MMRN1: variants seen among roughly 807,000 people sequenced by gnomAD.
The protein encoded by MMRN1 is multimerin-1.
In MMRN1, 94 loss-of-function variants were observed where a neutral mutation model predicts 100.7. That is an observed-to-expected ratio of 0.93 (90% CI 0.79 to 1.11). The LOEUF (loss-of-function observed/expected upper bound fraction) is 1.11. Among genes scored for constraint, MMRN1 ranks in the 50% least tolerant of loss-of-function variants. The probability of loss-of-function intolerance (pLI) is 0.00; values close to 1 mark genes in which losing one functional copy is unlikely to be tolerated. For missense variants in MMRN1, 1,606 were observed against 1,439.1 expected (o/e 1.12, Z -1.88); for synonymous variants, 575 against 505.0 (o/e 1.14, Z -1.86).
In MMRN1 at chr4:89,928,381, A is replaced by G. The variant is rs115339897; in HGVS notation, c.1129+413A>G. Among the ~76,000 whole-genome samples the G allele has an allele frequency of 9.6e-3, 1,467 of 152,252 alleles. 26 individuals are homozygous for G. Among genetic ancestry groups the G allele is most frequent in the African/African-American group, 0.033 (1,352 of 41,556 alleles). On this transcript the variant is annotated intron_variant, in intron 5 of 7. Transcript: ENST00000264790. ...ATTGAGGATAAATCTGAAGTGCATT[A>G]TTATCCCCCAAATTTTCTAGGTTAT...
intron 1 of MMRN1, among the ~76,000 whole-genome samples, chr4:89,881,011 G>C (rs953977734): frequency 5.3e-5 from 8 of 152,138 alleles, no homozygotes; most frequent in African/African-American, 7.2e-5. Context: ...TAACTATTGG[G>C]ATTTAGTAGC....
rs996699289 is a variant in MMRN1 at position 89,945,953 on chromosome 4, A to G, written c.3119-5652A>G. ...TTTGAAACAGTATTTCCATCCATCT[A>G]TACACCAAAGAACACAATGTTAGTA... On this transcript the variant is annotated intron_variant, in intron 6 of 7. Coordinates refer to ENST00000264790, the MANE Select transcript of MMRN1 (RefSeq NM_007351.3). Among the ~76,000 whole-genome samples the G allele has an allele frequency of 1.6e-4, 25 of 152,232 alleles. 1 individual carries two copies. The highest frequency in any genetic ancestry group is 1.4e-3 in the Admixed American group (21 of 15,278).
chr4:89,934,310 G>A (rs1373548893), intron 5 of MMRN1, among the ~76,000 whole-genome samples: 3 of 151,910 alleles, frequency 2.0e-5, no homozygotes, highest in African/African-American at 4.8e-5. Context: ...TTCCTCATTT[G>A]AGAATATCAT....
intron 6 of MMRN1, among the ~76,000 whole-genome samples, chr4:89,948,156 G>A (rs1316749537): frequency 6.6e-6 from 1 of 152,032 alleles, no homozygotes; most frequent in East Asian, 1.9e-4. Context: ...CCAGCCAAAA[G>A]TTGATTTCTA....
At position 89,894,950 on chromosome 4, in the gene MMRN1, T is replaced by C; in HGVS notation, c.-22T>C. The C allele has an allele frequency of 6.3e-7, 1 of 1,584,062 alleles. No individual in the cohort carries two copies. Among genetic ancestry groups the C allele is most frequent in the East Asian group, 2.2e-5 (1 of 44,472 alleles). On this transcript the variant is annotated 5_prime_UTR_variant, in exon 1 of 8. Coordinates refer to ENST00000264790, the MANE Select transcript of MMRN1 (RefSeq NM_007351.3). Reference sequence around the variant, plus strand: ...TTTTGTCCCCAAATTTCACATGAGCTACCTTGCTTCAAACTACTGAGATGA... The same window carrying C: ...TTTTGTCCCCAAATTTCACATGAGCCACCTTGCTTCAAACTACTGAGATGA...
At chr4:89,922,771 G>T (rs894739368) in intron 3 of MMRN1, among the ~76,000 whole-genome samples, 2 of 152,042 alleles carry the variant, frequency 1.3e-5, no homozygotes, top group Admixed American at 1.3e-4. Flanking sequence ...CACCAGTTGG[G>T]AATTGCCTTG....
In MMRN1 at chr4:89,935,937, A is replaced by T. The variant is rs757776523; in HGVS notation, c.2257A>T (p.Ser753Cys). ...QDNYALKETLSTIKDNSEIHH... is the reference protein window; with the variant it reads ...QDNYALKETLCTIKDNSEIHH... ...TAACTATGCCCTAAAAGAGACTTTA[A>T]GTACTATTAAGGATAATAGTGAGAT... The change falls in exon 6 of 8, where the codon AGT becomes TGT. Residue 753 changes from serine to cysteine, a missense_variant. Physicochemically the swap from Ser to Cys is moderately radical, Grantham distance 112. Coordinates refer to ENST00000264790, the MANE Select transcript of MMRN1 (RefSeq NM_007351.3). 1.4e-5 allele frequency: 23 copies of T among 1,609,198 alleles called. No individual in the cohort carries two copies. The highest frequency in any genetic ancestry group is 3.4e-6 in the Non-Finnish European group (4 of 1,177,250).
intron 1 of MMRN1, among the ~76,000 whole-genome samples, chr4:89,904,199 A>G (rs1721484323): frequency 6.6e-6 from 1 of 151,664 alleles, no homozygotes; most frequent in Admixed American, 6.6e-5. Context: ...GATTTTGACA[A>G]GAGATATGCA....
At chr4:89,920,305 G>C (rs988679835) in intron 3 of MMRN1, among the ~76,000 whole-genome samples, 1 of 152,122 alleles carries the variant, frequency 6.6e-6, no homozygotes, top group Non-Finnish European at 1.5e-5. Context: ...TGGGAGTAAG[G>C]AGCAACAGTC....
chr4:89,924,663 T>C (rs2110616829), intron 4 of MMRN1, among the ~76,000 whole-genome samples: 1 of 151,724 alleles, frequency 6.6e-6, no homozygotes, highest in East Asian at 1.9e-4. Flanking sequence ...GCCTATATGG[T>C]GAAACCCCGT....
chr4:89,936,673 T>C lies in MMRN1; in HGVS notation c.2993T>C (p.Val998Ala), dbSNP rs1210943219. 2 of 1,613,590 alleles carry C rather than the reference T, an allele frequency of 1.2e-6. No homozygotes were observed. The highest frequency in any genetic ancestry group is 1.7e-5 in the Admixed American group (1 of 59,956). ...TTGCCTGGTAGTCTGGCAAATGTTG[T>C]CAAGTCTCAGAAGCAAGTAAAATCA... Reference protein sequence around the residue: ...RSLPGSLANVVKSQKQVKSLP... With the variant: ...RSLPGSLANVAKSQKQVKSLP... Residue 998 changes from valine (V) to alanine (A), a missense_variant, in exon 6 of 8, where the codon GTC (valine) becomes GCC (alanine). Val to Ala is a moderately conservative substitution (Grantham distance 64, BLOSUM62 0). Transcript: ENST00000264790.
intron 2 of MMRN1, among the ~76,000 whole-genome samples, chr4:89,910,306 A>C (rs993085226): frequency 4.6e-5 from 7 of 151,454 alleles, no homozygotes; most frequent in Non-Finnish European, 8.9e-5. Flanking sequence ...GACACAAAGA[A>C]TGCATTGCTA....
At chr4:89,899,464 G>A (rs1721313272) in intron 1 of MMRN1, among the ~76,000 whole-genome samples, 1 of 152,136 alleles carries the variant, frequency 6.6e-6, no homozygotes, top group East Asian at 1.9e-4. Context: ...CAACAGCCCA[G>A]TGGCAGAGGT....
chr4:89,930,461 G>GT (rs970235439), intron 5 of MMRN1, among the ~76,000 whole-genome samples: 2 of 151,912 alleles, frequency 1.3e-5, no homozygotes, highest in African/African-American at 4.8e-5. Context: ...TAGGCATGTA[G>GT]TTTTTTGTTT....
At chr4:89,907,280 C>G (rs1721597386) in intron 1 of MMRN1, among the ~76,000 whole-genome samples, 1 of 151,466 alleles carries the variant, frequency 6.6e-6, no homozygotes, top group Non-Finnish European at 1.5e-5. Context: ...TGTCTTCTTA[C>G]TTCTTTAAGG....
chr4:89,939,008 T>G (rs937909253), intron 6 of MMRN1, among the ~76,000 whole-genome samples: 1 of 152,078 alleles, frequency 6.6e-6, no homozygotes, highest in Non-Finnish European at 1.5e-5. Flanking sequence ...CCAGCCATAC[T>G]TCCATGGGCC....
intron 3 of MMRN1, among the ~76,000 whole-genome samples, chr4:89,915,499 C>T (rs1289565657): frequency 6.6e-6 from 1 of 151,456 alleles, no homozygotes; most frequent in South Asian, 2.1e-4. Context: ...TGAGAGAGAG[C>T]AAACATCCTC....
rs1248833490 is a variant in MMRN1 at position 89,919,049 on chromosome 4, T to C, written c.851-4119T>C. Among the ~76,000 whole-genome samples, 9 of 151,840 alleles carry C rather than the reference T, an allele frequency of 5.9e-5. 1 individual carries two copies. The East Asian group carries it at 1.7e-3, about 29-fold the overall frequency. ...TTGACTTTTAAGTTTTCTAAGAAGT[T>C]GTCTTACAAAAAGCAGTATCATAAA... On this transcript the variant is annotated intron_variant, in intron 3 of 7. Coordinates refer to ENST00000264790, the MANE Select transcript of MMRN1 (RefSeq NM_007351.3).
rs773713640 is a variant in MMRN1 at position 89,894,998 on chromosome 4, TCTTTCTAGTTTATGG to T, written c.28_42del (p.Leu10_Trp14del). On this transcript the variant is annotated inframe_deletion, in exon 1 of 8. Transcript: ENST00000264790. ...TGAAGGGGGCAAGATTATTTGTCCT[TCTTTCTAGTTTATGG>T]AGTGGGGGCATTGGGCTTAACAACA... The T allele has an allele frequency of 3.7e-6, 6 of 1,612,562 alleles. No individual in the cohort carries two copies. In the South Asian group the frequency reaches 6.6e-5, roughly 18 times the overall value.
Sources: gnomAD v4.1 joint callset for allele counts (sites outside exome capture counted in the v4.1 genomes callset) on GRCh38, gnomAD v4.1.1 for gene constraint, MANE v1.5 for transcripts, NCBI Gene and HGNC (gene_info 2026-07-23, HGNC 2026-07-21) for gene names.